CSF2RA: variants seen among roughly 807,000 people sequenced by gnomAD.
The protein encoded by CSF2RA is granulocyte-macrophage colony-stimulating factor receptor subunit alpha.
A neutral mutation model predicts 51.6 loss-of-function variants in CSF2RA; 42 were observed. That is an observed-to-expected ratio of 0.81 (90% CI 0.64 to 1.05). The LOEUF (loss-of-function observed/expected upper bound fraction) is 1.05, where lower values mean the gene tolerates loss of function less well. Among genes scored for constraint, CSF2RA ranks in the 50% least tolerant of loss-of-function variants. The pLI, the probability that CSF2RA is intolerant of heterozygous loss-of-function variation, is 0.00. For missense variants in CSF2RA, 530 were observed against 501.1 expected (o/e 1.06, Z -0.55); for synonymous variants, 222 against 193.0 (o/e 1.15, Z -1.24).
intron 3 of CSF2RA, among the ~76,000 whole-genome samples, chrX:1,284,432 T>TTTTTC (rs1491418774): frequency 1.5e-3 from 37 of 24,254 alleles, no homozygotes; most frequent in South Asian, 7.4e-3. Flanking sequence ...TAGTTTTTGA[T>TTTTTC]TTTTTTTTTT....
Position 1,287,475 on chromosome X carries a change from G to A in CSF2RA, c.220-1044G>A, listed in dbSNP as rs1293251674. Among the ~76,000 whole-genome samples the A allele has an allele frequency of 2.5e-4, 33 of 132,196 alleles. 1 individual carries two copies. The highest frequency in any genetic ancestry group is 7.3e-4 in the South Asian group (3 of 4,088). The allele number at this position is 132,196 out of a possible 152,430, so 86.7% of individuals were successfully genotyped here. On this transcript the variant is annotated intron_variant, in intron 4 of 12. Transcript: ENST00000381529. Reference sequence around the variant, plus strand: ...CCTTTATTTTTTGGGATGGAGTCTCGCTCTGTCGCCCAGGCTGGAGTGCAC... The same window carrying A: ...CCTTTATTTTTTGGGATGGAGTCTCACTCTGTCGCCCAGGCTGGAGTGCAC...
At chrX:1,305,919 A>G (rs1398538395) in intron 12 of CSF2RA, 2 of 791,430 alleles carry the variant, frequency 2.5e-6, no homozygotes, top group Non-Finnish European at 4.0e-6. Context: ...CATCTCTGCT[A>G]AAAATACAAA....
chrX:1,272,714 C>G (rs1475145058), intron 1 of CSF2RA, among the ~76,000 whole-genome samples: 1 of 151,652 alleles, frequency 6.6e-6, no homozygotes, highest in African/African-American at 2.4e-5. Flanking sequence ...TGGTCTTGAA[C>G]TCCTGACCTC....
intron 12 of CSF2RA, among the ~76,000 whole-genome samples, chrX:1,307,240 A>G (rs1182460041): frequency 6.6e-6 from 1 of 152,098 alleles, no homozygotes; most frequent in Non-Finnish European, 1.5e-5. Context: ...AAAGGAAATA[A>G]AACTCTTGTC....
chrX:1,277,420 A>AC (rs1330617488), intron 2 of CSF2RA, among the ~76,000 whole-genome samples: 3 of 150,324 alleles, frequency 2.0e-5, no homozygotes, highest in Middle Eastern at 3.4e-3. Flanking sequence ...ACATGGTGAA[A>AC]CCCCATCTCT....
At chrX:1,305,558 G>A in intron 12 of CSF2RA, 31 bp downstream of exon 12, 4 of 1,613,974 alleles carry the variant, frequency 2.5e-6, no homozygotes, top group Non-Finnish European at 3.4e-6. Context: ...CAGTGACCTG[G>A]GATGGAAGGT....
At chrX:1,318,540 C>T in the CSF2RA span, among the ~76,000 whole-genome samples, 1 of 151,900 alleles carries the variant, frequency 6.6e-6, no homozygotes, top group Admixed American at 6.6e-5. Flanking sequence ...GGACTTTGCC[C>T]CACTCCCCCT....
Position 1,293,378 on chromosome X carries a change from C to T in CSF2RA, c.647-950C>T, listed in dbSNP as rs768543162. 7.3e-3 allele frequency among the ~76,000 whole-genome samples: 1,103 copies of T among 152,138 alleles called. 16 individuals carry two copies. The highest frequency in any genetic ancestry group is 0.025 in the African/African-American group (1,052 of 41,500). On this transcript the variant is annotated intron_variant, in intron 7 of 12. Transcript: ENST00000381529. ...GGACTACAGGCACCCGCCACCACGC[C>T]CGGCTAATTTTTTTGGATTTTTAGT...
intron 4 of CSF2RA, among the ~76,000 whole-genome samples, chrX:1,286,227 C>T (rs1425797197): frequency 2.6e-5 from 4 of 151,690 alleles, no homozygotes; most frequent in Non-Finnish European, 2.9e-5. Flanking sequence ...GAGTCGAGCT[C>T]GTGCCATTGC....
intron 2 of CSF2RA, among the ~76,000 whole-genome samples, chrX:1,279,801 T>C (rs28589536): frequency 0.35 from 52,558 of 151,166 alleles, 11,488 homozygotes; most frequent in African/African-American, 0.61. Flanking sequence ...TTTGTTTGCT[T>C]TTCCTTGAGA....
the CSF2RA span, among the ~76,000 whole-genome samples, chrX:1,323,762 C>G: frequency 6.6e-6 from 1 of 151,336 alleles, no homozygotes; most frequent in Non-Finnish European, 1.5e-5. Flanking sequence ...CGCCTGTAAT[C>G]CCAGCACTTT....
At position 1,304,534 on chromosome X, in the gene CSF2RA, C is replaced by A. The variant is rs148887831; in HGVS notation, c.1043+515C>A. ...AATGGAACAGGCAGTCAGCTGTGGG[C>A]AGCTTCAGGGAGTCTGAAGTCACTG... On this transcript the variant is annotated intron_variant, in intron 11 of 12. Transcript: ENST00000381529. Among the ~76,000 whole-genome samples, 947 of 151,804 alleles carry A rather than the reference C, an allele frequency of 6.2e-3. 12 individuals are homozygous for A. Among genetic ancestry groups the A allele is most frequent in the African/African-American group, 0.022 (912 of 41,428 alleles).
At chrX:1,316,055 G>C in the CSF2RA span, among the ~76,000 whole-genome samples, 1 of 131,580 alleles carries the variant, frequency 7.6e-6, no homozygotes, top group African/African-American at 3.1e-5. Flanking sequence ...CAGATAGATA[G>C]ATCAATAGAT....
Position 1,288,625 on chromosome X carries a change from T to A in CSF2RA, c.326T>A (p.Leu109Gln), listed in dbSNP as rs764620806. 6.2e-7 allele frequency: 1 copy of A among 1,613,862 alleles called. No homozygotes were observed. Among genetic ancestry groups the A allele is most frequent in the African/African-American group, 1.3e-5 (1 of 74,924 alleles). Residue 109 changes from leucine to glutamine, a missense_variant, in exon 5 of 13, where the codon CTG becomes CAG. Transcript: ENST00000381529. ...AGTCAAAGAGGATTTCAACAGAAAC[T>A]GCTTTATCCAAATTCAGGTAAGCAA... is the stretch of plus-strand genomic sequence containing the variant. ...NTSQRGFQQK[L>Q]LYPNSGREGT...
intron 9 of CSF2RA, among the ~76,000 whole-genome samples, chrX:1,295,999 TAC>T (rs1465579907): frequency 6.7e-6 from 1 of 148,790 alleles, no homozygotes; most frequent in Non-Finnish European, 1.5e-5. Flanking sequence ...GGAGTAATCC[TAC>T]AGTCTCCTAC....
chrX:1,308,696 A>G (rs1486464767), intron 12 of CSF2RA, among the ~76,000 whole-genome samples: 1 of 151,566 alleles, frequency 6.6e-6, no homozygotes, highest in Non-Finnish European at 1.5e-5. Context: ...TTCCACCCCC[A>G]CGCCAGCCTC....
At chrX:1,325,093 G>A in the CSF2RA span, among the ~76,000 whole-genome samples, 6 of 151,602 alleles carry the variant, frequency 4.0e-5, no homozygotes, top group South Asian at 1.0e-3. Context: ...TTGCGCCGTG[G>A]CTCACGCCTG....
chrX:1,299,878 A>G lies in CSF2RA; in HGVS notation c.811-613A>G, dbSNP rs746669721. ...GGTTGCGGTGAGCCCAGATCATGCC[A>G]TTGCACTCCAGCCTGGGCGACAGAG... On this transcript the variant is annotated intron_variant, in intron 9 of 12. Coordinates refer to ENST00000381529, the MANE Select transcript of CSF2RA (RefSeq NM_172245.4). 2.2e-3 allele frequency among the ~76,000 whole-genome samples: 335 copies of G among 151,738 alleles called. 3 individuals carry two copies. Among genetic ancestry groups the G allele is most frequent in the Non-Finnish European group, 4.9e-4 (33 of 67,946 alleles).
the CSF2RA span, among the ~76,000 whole-genome samples, chrX:1,322,865 C>G: frequency 6.6e-6 from 1 of 151,788 alleles, no homozygotes; most frequent in African/African-American, 2.4e-5. Context: ...CGCGGTGGCT[C>G]ACGCCTGTAA....
Sources: allele counts gnomAD v4.1 joint callset (sites outside exome capture counted in the v4.1 genomes callset), GRCh38; gene constraint gnomAD v4.1.1; transcripts MANE v1.5; gene names NCBI Gene and HGNC (gene_info 2026-07-23, HGNC 2026-07-21).